Variants in SNX29 observed in about 807,000 individuals in gnomAD.
SNX29 encodes the protein sorting nexin-29.
A neutral mutation model predicts 102.1 loss-of-function variants in SNX29; 78 were observed. The observed-to-expected ratio is 0.76, with a 90% confidence interval of 0.64 to 0.92. The LOEUF (loss-of-function observed/expected upper bound fraction) is 0.92. SNX29 is among the 40% of genes least tolerant of loss of function. The pLI, the probability that SNX29 is intolerant of heterozygous loss-of-function variation, is 0.00. For synonymous variants in SNX29, 580 were observed against 414.5 expected, an observed-to-expected ratio of 1.40 and a Z score of -4.85; for missense variants, 1,280 against 1,061.7, an observed-to-expected ratio of 1.21 and a Z score of -2.86.
At chr16:12,221,106 G>A (rs900373710) in intron 14 of SNX29, among the ~76,000 whole-genome samples, 2 of 147,910 alleles carry the variant, frequency 1.4e-5, no homozygotes, top group Admixed American at 6.7e-5. Flanking sequence ...GTATGATGAA[G>A]TTTTTTTTTC....
intron 19 of SNX29, among the ~76,000 whole-genome samples, chr16:12,480,733 G>C (rs2087866701): frequency 6.6e-6 from 1 of 152,166 alleles, no homozygotes; most frequent in Non-Finnish European, 1.5e-5. Flanking sequence ...CATCAGTCCT[G>C]AAAACACTGG....
chr16:12,551,709 C>A (rs1281468401), intron 20 of SNX29, among the ~76,000 whole-genome samples: 1 of 152,182 alleles, frequency 6.6e-6, no homozygotes, highest in Non-Finnish European at 1.5e-5. Context: ...AGGTGGTGAG[C>A]CAACTTGTGA....
At chr16:12,530,094 C>G (rs182293710) in intron 20 of SNX29, among the ~76,000 whole-genome samples, 76 of 152,360 alleles carry the variant, frequency 5.0e-4, no homozygotes, top group Admixed American at 1.2e-3. Flanking sequence ...TGCTTTTCCC[C>G]TTGGCCTGCT....
chr16:12,452,653 C>T (rs1044677107), intron 18 of SNX29, among the ~76,000 whole-genome samples: 3 of 152,020 alleles, frequency 2.0e-5, no homozygotes, highest in Non-Finnish European at 4.4e-5. Context: ...GGGAGGGTCA[C>T]CAGCCCTGGG....
At chr16:12,543,205 C>T (rs895815389) in intron 20 of SNX29, among the ~76,000 whole-genome samples, 3 of 152,208 alleles carry the variant, frequency 2.0e-5, no homozygotes, top group African/African-American at 4.8e-5. Context: ...ATATTCATCA[C>T]GTTGCTCCTG....
Position 12,129,765 on chromosome 16 carries a change from G to T in SNX29, c.1595+7G>T, listed in dbSNP as rs1265895425. The T allele has an allele frequency of 1.1e-5, 17 of 1,601,788 alleles. No individual in the cohort carries two copies. Among genetic ancestry groups the T allele is most frequent in the African/African-American group, 1.3e-5 (1 of 74,710 alleles). On this transcript the variant is annotated splice_region_variant and intron_variant, in intron 13 of 20. Transcript: ENST00000566228. ...AGGTCCAGGCGCTGGCCAGGTAGGA[G>T]AGGGTGAGGGATGGAGAGGTAAGCA...
chr16:12,041,644 CA>C (rs1333863537), intron 4 of SNX29, among the ~76,000 whole-genome samples: 2 of 152,130 alleles, frequency 1.3e-5, no homozygotes, highest in Non-Finnish European at 1.5e-5. Flanking sequence ...ATGGCTGCCC[CA>C]TTCTAGTCTT....
chr16:12,274,790 A>C (rs1315182706), intron 14 of SNX29, among the ~76,000 whole-genome samples: 3 of 151,986 alleles, frequency 2.0e-5, no homozygotes, highest in Non-Finnish European at 4.4e-5. Context: ...ATTTTCTGGA[A>C]ATTTTGCTAC....
chr16:12,519,990 A>AAAAAAT (rs1366018568), intron 19 of SNX29, among the ~76,000 whole-genome samples: 6 of 151,954 alleles, frequency 3.9e-5, no homozygotes, highest in South Asian at 2.1e-4. Flanking sequence ...TCCCGCCTGC[A>AAAAAAT]AAAAATAAAA....
chr16:12,093,506 C>G (rs1425594946), intron 11 of SNX29: 1 of 152,194 alleles, frequency 6.6e-6, no homozygotes, highest in Admixed American at 6.5e-5. Context: ...CCCAGCTACT[C>G]GGAAGGTTGA....
chr16:12,469,915 C>G (rs1322828925), intron 18 of SNX29, among the ~76,000 whole-genome samples: 1 of 152,174 alleles, frequency 6.6e-6, no homozygotes, highest in African/African-American at 2.4e-5. Context: ...GAGGCTGAGG[C>G]AGGCTGAGAA....
chr16:12,121,707 C>T (rs1475283947), intron 11 of SNX29, among the ~76,000 whole-genome samples: 2 of 152,246 alleles, frequency 1.3e-5, no homozygotes, highest in African/African-American at 2.4e-5. Context: ...TGTCTCTGTC[C>T]AGGCCTCTGT....
At chr16:12,427,898 A>G (rs546946640) in intron 18 of SNX29, among the ~76,000 whole-genome samples, 1 of 152,218 alleles carries the variant, frequency 6.6e-6, no homozygotes, top group East Asian at 1.9e-4. Flanking sequence ...GCTAAATAAG[A>G]TCAGACAAAG....
intron 3 of SNX29, among the ~76,000 whole-genome samples, chr16:12,003,691 G>C (rs1383706187): frequency 1.3e-5 from 2 of 152,156 alleles, no homozygotes; most frequent in Non-Finnish European, 2.9e-5. Flanking sequence ...GTGATCATTT[G>C]TTCCTTTTAT....
chr16:12,328,287 A>G (rs1283371459), intron 15 of SNX29, among the ~76,000 whole-genome samples: 1 of 152,226 alleles, frequency 6.6e-6, no homozygotes, highest in African/African-American at 2.4e-5. Context: ...GCTTGTTGAT[A>G]TCTCTTGGCC....
chr16:12,369,461 C>T (rs962361573), intron 16 of SNX29, among the ~76,000 whole-genome samples: 1 of 152,116 alleles, frequency 6.6e-6, no homozygotes, highest in Non-Finnish European at 1.5e-5. Context: ...AATATGATGT[C>T]ATGAGCATGG....
chr16:12,531,065 T>G (rs1280172385), intron 20 of SNX29, among the ~76,000 whole-genome samples: 1 of 152,274 alleles, frequency 6.6e-6, no homozygotes, highest in Non-Finnish European at 1.5e-5. Context: ...GAAGCCATTC[T>G]GGCTTAGAGG....
chr16:12,087,266 T>A (rs1365688021), intron 11 of SNX29: 1 of 158,284 alleles, frequency 6.3e-6, no homozygotes, highest in Non-Finnish European at 1.4e-5. Context: ...GGTATGGTGG[T>A]GGGTGCCTGT....
intron 18 of SNX29, among the ~76,000 whole-genome samples, chr16:12,449,240 G>A (rs2086195845): frequency 6.6e-6 from 1 of 151,954 alleles, no homozygotes; most frequent in Non-Finnish European, 1.5e-5. Flanking sequence ...ATTGAGGAGA[G>A]GAGAAGAGAC....
Sources: gnomAD v4.1 joint callset for allele counts (sites outside exome capture counted in the v4.1 genomes callset) on GRCh38, gnomAD v4.1.1 for gene constraint, MANE v1.5 for transcripts, NCBI Gene and HGNC (gene_info 2026-07-23, HGNC 2026-07-21) for gene names.